The following GPM6A variants were observed in gnomAD, a reference collection of about 807,000 sequenced individuals.
GPM6A encodes glycoprotein M6A.
Under a neutral mutation model 32.1 loss-of-function variants are expected in GPM6A, and 7 were observed. The observed-to-expected ratio is 0.22, with a 90% confidence interval of 0.12 to 0.41. The LOEUF (loss-of-function observed/expected upper bound fraction) is 0.41, where lower values mean the gene tolerates loss of function less well. GPM6A is among the 10% of genes least tolerant of loss of function. The pLI, the probability that GPM6A is intolerant of heterozygous loss-of-function variation, is 1.00. For missense variants in GPM6A, 235 were observed against 347.2 expected, an observed-to-expected ratio of 0.68 and a Z score of 2.57; for synonymous variants, 130 against 123.4, an observed-to-expected ratio of 1.05 and a Z score of -0.35.
intron 1 of GPM6A, among the ~76,000 whole-genome samples, chr4:175,972,297 T>C (rs1384252594): frequency 1.3e-5 from 2 of 152,214 alleles, no homozygotes; most frequent in African/African-American, 2.4e-5. Flanking sequence ...AAATCCAAAT[T>C]ATTTATTTTG....
chr4:175,864,350 T>C (rs1174563052), intron 1 of GPM6A, among the ~76,000 whole-genome samples: 1 of 152,108 alleles, frequency 6.6e-6, no homozygotes, highest in African/African-American at 2.4e-5. Flanking sequence ...GTATTTTTTG[T>C]AGAGACAGGG....
intron 1 of GPM6A, among the ~76,000 whole-genome samples, chr4:175,786,296 G>GTT (rs368629281): frequency 1.1e-3 from 159 of 141,806 alleles, no homozygotes; most frequent in African/African-American, 1.4e-3. Flanking sequence ...TTTTTGTTTT[G>GTT]TTTTTTTTTT....
chr4:175,937,978 T>C (rs545714910), intron 1 of GPM6A, among the ~76,000 whole-genome samples: 35 of 152,252 alleles, frequency 2.3e-4, no homozygotes, highest in African/African-American at 8.2e-4. Flanking sequence ...CTAAAGTTGA[T>C]AGTCAGTTAT....
chr4:175,967,245 A>G (rs1333551001), intron 1 of GPM6A, among the ~76,000 whole-genome samples: 1 of 152,202 alleles, frequency 6.6e-6, no homozygotes, highest in Non-Finnish European at 1.5e-5. Context: ...CAACCCATTA[A>G]TGATAAAAAC....
At chr4:175,833,428 T>C (rs1735675310) in intron 1 of GPM6A, among the ~76,000 whole-genome samples, 1 of 152,178 alleles carries the variant, frequency 6.6e-6, no homozygotes, top group Non-Finnish European at 1.5e-5. Context: ...TTTGTTATGT[T>C]TTGTTTTTAA....
intron 1 of GPM6A, among the ~76,000 whole-genome samples, chr4:175,884,160 A>C (rs1222532784): frequency 6.6e-6 from 1 of 152,210 alleles, no homozygotes; most frequent in Non-Finnish European, 1.5e-5. Context: ...TTTGTCAAGC[A>C]TTACTTTTGT....
chr4:175,784,209 A>G (rs1733713165), intron 1 of GPM6A, among the ~76,000 whole-genome samples: 1 of 152,080 alleles, frequency 6.6e-6, no homozygotes, highest in Non-Finnish European at 1.5e-5. Context: ...TAATCATGAG[A>G]GAATATCAGA....
In GPM6A at chr4:175,635,039, G is replaced by A. The variant is rs1251068107; in HGVS notation, c.703C>T (p.Leu235=). 1 of 1,613,452 alleles carries A rather than the reference G, an allele frequency of 6.2e-7. No individual in the cohort carries two copies. The highest frequency in any genetic ancestry group is 8.5e-7 in the Non-Finnish European group (1 of 1,179,638). The stretch of plus-strand genomic sequence containing the variant: ...TTCACATAGGCCCAGTTGGCAGACA[G>A]AACCATAAGGTAGTGAACCTAATCA... The part of the protein sequence containing the change: ...VIAMVHYLMV[L]SANWAYVKDA... Residue 235 remains leucine, a synonymous_variant, in exon 7 of 7, where the codon CTG becomes TTG. Transcript: ENST00000393658.
At chr4:175,931,482 TTTACTA>T (rs1265509598) in intron 1 of GPM6A, among the ~76,000 whole-genome samples, 6 of 152,040 alleles carry the variant, frequency 3.9e-5, no homozygotes, top group Non-Finnish European at 5.9e-5. Context: ...CTCTCTATAT[TTTACTA>T]TTAGTTGAAT....
intron 1 of GPM6A, among the ~76,000 whole-genome samples, chr4:175,931,128 A>T (rs1739024798): frequency 6.6e-6 from 1 of 152,160 alleles, no homozygotes; most frequent in Non-Finnish European, 1.5e-5. Flanking sequence ...GGGAACTGAG[A>T]TTGAGATAGG....
chr4:175,701,190 C>T (rs1021286693), intron 2 of GPM6A, among the ~76,000 whole-genome samples: 4 of 152,026 alleles, frequency 2.6e-5, no homozygotes, highest in African/African-American at 9.7e-5. Context: ...TGGGAGCACC[C>T]ATGGAGCTTT....
At chr4:175,849,046 T>C (rs1435892983) in intron 1 of GPM6A, among the ~76,000 whole-genome samples, 2 of 152,224 alleles carry the variant, frequency 1.3e-5, no homozygotes, top group Non-Finnish European at 2.9e-5. Context: ...GCATGTGAAA[T>C]GTATTAATTT....
intron 2 of GPM6A, among the ~76,000 whole-genome samples, chr4:175,684,989 G>T (rs900582194): frequency 6.6e-6 from 1 of 151,962 alleles, no homozygotes; most frequent in African/African-American, 2.4e-5. Flanking sequence ...CCAGGTTCAC[G>T]CCATTCTCCT....
intron 1 of GPM6A, among the ~76,000 whole-genome samples, chr4:175,756,281 G>A (rs938457196): frequency 2.6e-5 from 4 of 152,072 alleles, no homozygotes; most frequent in Non-Finnish European, 4.4e-5. Context: ...TGCTCTGGAA[G>A]CTCTCTGAAG....
At chr4:175,743,489 A>G (rs1052944362) in intron 1 of GPM6A, among the ~76,000 whole-genome samples, 1 of 152,088 alleles carries the variant, frequency 6.6e-6, no homozygotes, top group African/African-American at 2.4e-5. Context: ...AATGAAAACC[A>G]TACAAGAAAA....
intron 1 of GPM6A, among the ~76,000 whole-genome samples, chr4:175,859,949 A>G (rs1394018041): frequency 1.3e-5 from 2 of 152,156 alleles, no homozygotes; most frequent in Non-Finnish European, 2.9e-5. Context: ...TAAAGGACAC[A>G]TGGGTCAAAA....
At chr4:175,863,183 T>C (rs563490475) in intron 1 of GPM6A, among the ~76,000 whole-genome samples, 225 of 152,306 alleles carry the variant, frequency 1.5e-3, no homozygotes, top group Non-Finnish European at 1.7e-3. Context: ...ACACTATAGA[T>C]AACATTTCCA....
intron 1 of GPM6A, among the ~76,000 whole-genome samples, chr4:175,976,128 T>C (rs947639274): frequency 6.6e-5 from 10 of 152,150 alleles, no homozygotes; most frequent in Non-Finnish European, 1.3e-4. Context: ...TTCACAATTT[T>C]TAACACATTT....
intron 6 of GPM6A, among the ~76,000 whole-genome samples, chr4:175,636,260 G>GTGTATA (rs1203632844): frequency 3.5e-4 from 35 of 101,312 alleles, no homozygotes; most frequent in Middle Eastern, 6.2e-3. Context: ...CATAATCACT[G>GTGTATA]TATATATATA....
Sources: allele counts gnomAD v4.1 joint callset (sites outside exome capture counted in the v4.1 genomes callset), GRCh38; gene constraint gnomAD v4.1.1; transcripts MANE v1.5; gene names NCBI Gene and HGNC (gene_info 2026-07-23, HGNC 2026-07-21).